Variants in CACNA2D3 observed in about 807,000 individuals in gnomAD.
The protein encoded by CACNA2D3 is voltage-dependent calcium channel subunit alpha-2/delta-3.
In CACNA2D3, 60 loss-of-function variants were observed where a neutral mutation model predicts 160.6. That is an observed-to-expected ratio of 0.37 (90% CI 0.30 to 0.46). The LOEUF is 0.46. Among genes scored for constraint, CACNA2D3 ranks in the 20% least tolerant of loss-of-function variants. CACNA2D3 has a pLI of 1.00. For synonymous variants in CACNA2D3, 558 were observed against 492.9 expected, an observed-to-expected ratio of 1.13 and a Z score of -1.75; for missense variants, 1,205 against 1,365.0, an observed-to-expected ratio of 0.88 and a Z score of 1.85.
chr3:54,358,584 A>G (rs1251229291), intron 3 of CACNA2D3, among the ~76,000 whole-genome samples: 1 of 152,318 alleles, frequency 6.6e-6, no homozygotes, highest in East Asian at 1.9e-4. Context: ...CCCTTGAGCA[A>G]TCTCCCAGGA....
intron 35 of CACNA2D3, among the ~76,000 whole-genome samples, chr3:55,025,972 C>G (rs1298207065): frequency 1.3e-5 from 2 of 151,718 alleles, no homozygotes; most frequent in African/African-American, 2.4e-5. Context: ...TTGATTGAAG[C>G]ATCACACCTA....
chr3:54,352,872 AT>A (rs1242860283), intron 3 of CACNA2D3, among the ~76,000 whole-genome samples: 1 of 152,132 alleles, frequency 6.6e-6, no homozygotes, highest in Admixed American at 6.5e-5. Flanking sequence ...TTAATTTTTA[AT>A]TCTTGTGGGT....
intron 2 of CACNA2D3, among the ~76,000 whole-genome samples, chr3:54,275,791 T>C (rs1559904695): frequency 1.3e-5 from 2 of 152,060 alleles, no homozygotes; most frequent in Non-Finnish European, 2.9e-5. Flanking sequence ...CTAATTTTTA[T>C]GTTTTTAGTA....
Position 54,562,451 on chromosome 3 carries a change from A to G in CACNA2D3, c.545-349A>G, listed in dbSNP as rs140915172. 4.8e-3 allele frequency among the ~76,000 whole-genome samples: 731 copies of G among 152,268 alleles called. 3 individuals are homozygous for G. The highest frequency in any genetic ancestry group is 6.5e-3 in the Non-Finnish European group (439 of 68,028). The stretch of plus-strand genomic sequence containing the variant: ...GCCGAGTTTTGGCTCCGTAGGGGGA[A>G]AAGCAGGAAAATAATGCTAATAAGG... On this transcript the variant is annotated intron_variant, in intron 5 of 37. Transcript: ENST00000474759.
chr3:54,839,114 C>A (rs369533651), intron 16 of CACNA2D3, among the ~76,000 whole-genome samples: 1 of 152,170 alleles, frequency 6.6e-6, no homozygotes, highest in African/African-American at 2.4e-5. Flanking sequence ...AACAATTAGC[C>A]GGTCGTGATG....
At chr3:54,240,702 C>G (rs530547560) in intron 2 of CACNA2D3, among the ~76,000 whole-genome samples, 1 of 152,282 alleles carries the variant, frequency 6.6e-6, no homozygotes, top group African/African-American at 2.4e-5. Context: ...ATGTAAAAAA[C>G]TATCTAAAAA....
intron 13 of CACNA2D3, among the ~76,000 whole-genome samples, chr3:54,800,924 A>G (rs143729639): frequency 1.2e-3 from 175 of 151,964 alleles, no homozygotes; most frequent in African/African-American, 4.1e-3. Flanking sequence ...TATGCCTTTA[A>G]CTCATTCAGA....
intron 5 of CACNA2D3, among the ~76,000 whole-genome samples, chr3:54,561,814 CTGAGAT>C (rs1702329846): frequency 6.6e-6 from 1 of 152,076 alleles, no homozygotes. Flanking sequence ...AAAGACATAC[CTGAGAT>C]TGGATAATTT....
Position 55,074,281 on chromosome 3 carries a change from AATATGGTGCAAC to A in CACNA2D3, c.*79_*90del, listed in dbSNP as rs1704898102. 3.4e-6 allele frequency: 4 copies of A among 1,168,948 alleles called. No individual in the cohort carries two copies. The highest frequency in any genetic ancestry group is 5.2e-6 in the Non-Finnish European group (4 of 775,390). The allele number at this position is 1,168,948 out of a possible 1,614,324, so 72.4% of individuals were successfully genotyped here. A position where few individuals can be genotyped will look rare whatever the true frequency, so the allele number is the denominator to read the frequency against. The stretch of plus-strand genomic sequence containing the variant: ...AAATCATGGATAAACTGTGAACCAA[AATATGGTGCAAC>A]ATACGAGACATGAATATAGTCCAAC... On this transcript the variant is annotated 3_prime_UTR_variant, in exon 38 of 38. Coordinates refer to ENST00000474759, the MANE Select transcript of CACNA2D3 (RefSeq NM_018398.3).
intron 2 of CACNA2D3, among the ~76,000 whole-genome samples, chr3:54,265,622 A>G (rs1247742356): frequency 1.3e-5 from 2 of 149,540 alleles, no homozygotes; most frequent in Non-Finnish European, 3.0e-5. Context: ...GTGTATATAT[A>G]TATAGTGTGT....
At chr3:54,261,485 A>G (rs959807514) in intron 2 of CACNA2D3, among the ~76,000 whole-genome samples, 3 of 152,192 alleles carry the variant, frequency 2.0e-5, no homozygotes, top group African/African-American at 7.2e-5. Context: ...AGTGCTTGGC[A>G]TGCAGTGGTT....
At chr3:55,004,382 T>A (rs181802936) in intron 31 of CACNA2D3, among the ~76,000 whole-genome samples, 1 of 152,224 alleles carries the variant, frequency 6.6e-6, no homozygotes, top group Non-Finnish European at 1.5e-5. Flanking sequence ...CTCCTGTCCC[T>A]TGGAGACATG....
intron 17 of CACNA2D3, among the ~76,000 whole-genome samples, chr3:54,858,297 G>A (rs147412144): frequency 2.0e-4 from 31 of 152,156 alleles, no homozygotes; most frequent in Non-Finnish European, 4.0e-4. Context: ...GTGAGTGCTG[G>A]CTTCTAACTT....
intron 2 of CACNA2D3, among the ~76,000 whole-genome samples, chr3:54,147,312 G>A (rs1324736223): frequency 6.6e-6 from 1 of 152,192 alleles, no homozygotes; most frequent in African/African-American, 2.4e-5. Context: ...CGTCAGCTTG[G>A]CACAGAGGAA....
intron 5 of CACNA2D3, among the ~76,000 whole-genome samples, chr3:54,514,303 G>A (rs953498923): frequency 3.3e-5 from 5 of 152,182 alleles, no homozygotes; most frequent in South Asian, 2.1e-4. Flanking sequence ...TGAGTAAGGA[G>A]GTGATGATGA....
chr3:54,433,763 T>A (rs1320985021), intron 4 of CACNA2D3, among the ~76,000 whole-genome samples: 1 of 152,132 alleles, frequency 6.6e-6, no homozygotes, highest in African/African-American at 2.4e-5. Flanking sequence ...CACCTGGACC[T>A]CTAATGGGTA....
At chr3:54,148,714 C>T (rs1241106860) in intron 2 of CACNA2D3, among the ~76,000 whole-genome samples, 2 of 152,116 alleles carry the variant, frequency 1.3e-5, no homozygotes, top group African/African-American at 2.4e-5. Flanking sequence ...CGGTGGCTCA[C>T]GCCTGTATTC....
chr3:55,063,328 A>T (rs1380234372), intron 35 of CACNA2D3, among the ~76,000 whole-genome samples: 1 of 152,078 alleles, frequency 6.6e-6, no homozygotes, highest in Non-Finnish European at 1.5e-5. Context: ...CTTAAGAAGC[A>T]CAATTCTAGA....
At chr3:54,517,386 G>C (rs1701568618) in intron 5 of CACNA2D3, among the ~76,000 whole-genome samples, 1 of 152,212 alleles carries the variant, frequency 6.6e-6, no homozygotes, top group Non-Finnish European at 1.5e-5. Flanking sequence ...ACCTCAGCTA[G>C]GAAGCATTGG....
Sources: gnomAD v4.1 joint callset for allele counts (sites outside exome capture counted in the v4.1 genomes callset) on GRCh38, gnomAD v4.1.1 for gene constraint, MANE v1.5 for transcripts, NCBI Gene and HGNC (gene_info 2026-07-23, HGNC 2026-07-21) for gene names.